Variants in COL6A5 observed in about 807,000 individuals in gnomAD.
COL6A5 encodes the protein collagen alpha-5(VI) chain.
Under a neutral mutation model 65.6 loss-of-function variants are expected in COL6A5, and 48 were observed. That is an observed-to-expected ratio of 0.73 (90% CI 0.58 to 0.93). The LOEUF (loss-of-function observed/expected upper bound fraction) is 0.93. Ranked by LOEUF, COL6A5 falls within the 40% of genes least tolerant of loss-of-function variation. The pLI, the probability that COL6A5 is intolerant of heterozygous loss-of-function variation, is 0.00. For synonymous variants in COL6A5, 291 were observed against 322.8 expected, an observed-to-expected ratio of 0.90 and a Z score of 1.05; for missense variants, 914 against 928.3, an observed-to-expected ratio of 0.98 and a Z score of 0.20.
At chr3:130,376,135 A>C in intron 2 of COL6A5, 102 bp from the exon 3 acceptor site, 4 of 1,203,414 alleles carry the variant, frequency 3.3e-6, no homozygotes, top group Non-Finnish European at 4.4e-6. Flanking sequence ...TGGGATTCTG[A>C]TATACACTTA....
chr3:130,470,808 C>G (rs1406298408), intron 6 of COL6A5, 63 bp from the exon 39 acceptor site: 1 of 1,228,390 alleles, frequency 8.1e-7, no homozygotes, highest in African/African-American at 1.5e-5. Flanking sequence ...CATGATCTGA[C>G]TTTGGGTGAG....
chr3:130,356,471 C>G (rs961825690), intron 1 of COL6A5, among the ~76,000 whole-genome samples: 2 of 151,900 alleles, frequency 1.3e-5, no homozygotes, highest in African/African-American at 4.8e-5. Flanking sequence ...AAAAACTGAG[C>G]GTTATATTAG....
chr3:130,416,811 G>T, exon 24 of COL6A5: 1 of 1,502,102 alleles, frequency 6.7e-7, no homozygotes, highest in Non-Finnish European at 9.0e-7. Flanking sequence ...TGGACTTTTG[G>T]GGAAAAAAGT....
chr3:130,379,760 G>T (rs1274091011), exon 4 of COL6A5: 1 of 1,551,364 alleles, frequency 6.4e-7, no homozygotes, highest in Non-Finnish European at 8.7e-7. Context: ...AGAGCACAAG[G>T]AGTGCCTCAG....
chr3:130,362,324 A>AT (rs1337028323), intron 1 of COL6A5, among the ~76,000 whole-genome samples: 5 of 2,732 alleles, frequency 1.8e-3, no homozygotes, highest in African/African-American at 5.1e-3. Context: ...ATATATATAT[A>AT]TATTTTTTTT....
chr3:130,475,696 G>A (rs1455283812), intron 7 of COL6A5, among the ~76,000 whole-genome samples: 3 of 152,098 alleles, frequency 2.0e-5, no homozygotes, highest in Non-Finnish European at 4.4e-5. Context: ...CTGGGCAGGT[G>A]AAATTAAGGA....
chr3:130,385,249 TAAAATAG>T (rs1222584575), exon 5 of COL6A5: 1 of 1,550,932 alleles, frequency 6.4e-7, no homozygotes, highest in East Asian at 2.4e-5. Context: ...GGGCAGCTAA[TAAAATAG>T]AACTGCAAGA....
intron 1 of COL6A5, among the ~76,000 whole-genome samples, chr3:130,352,646 G>A (rs1934766726): frequency 6.6e-6 from 1 of 152,140 alleles, no homozygotes; most frequent in South Asian, 2.1e-4. Flanking sequence ...AGTTAGTACA[G>A]AGCTACTGTA....
intron 10 of COL6A5, among the ~76,000 whole-genome samples, chr3:130,398,973 CT>C (rs1310257528): frequency 6.6e-6 from 1 of 152,226 alleles, no homozygotes; most frequent in African/African-American, 2.4e-5. Context: ...ACTGTTCCTT[CT>C]TTTCCATATG....
chr3:130,374,467 T>G (rs747642915), intron 2 of COL6A5, among the ~76,000 whole-genome samples: 1 of 152,084 alleles, frequency 6.6e-6, no homozygotes, highest in Non-Finnish European at 1.5e-5. Context: ...TAATCGTATT[T>G]TTTTGAGACA....
intron 1 of COL6A5, among the ~76,000 whole-genome samples, chr3:130,365,389 T>G (rs999444020): frequency 6.6e-6 from 1 of 152,180 alleles, no homozygotes; most frequent in African/African-American, 2.4e-5. Context: ...GCTATTCTCC[T>G]GTCTCAGCCT....
At chr3:130,351,000 A>G (rs1481730927) in intron 1 of COL6A5, among the ~76,000 whole-genome samples, 2 of 152,226 alleles carry the variant, frequency 1.3e-5, no homozygotes, top group African/African-American at 2.4e-5. Flanking sequence ...GTCCTCAGAA[A>G]TAACACCACA....
chr3:130,480,267 T>G (rs1710202099), intron 7 of COL6A5, among the ~76,000 whole-genome samples: 1 of 152,058 alleles, frequency 6.6e-6, no homozygotes, highest in Non-Finnish European at 1.5e-5. Flanking sequence ...TACCAAAATT[T>G]AAATATATAT....
intron 1 of COL6A5, among the ~76,000 whole-genome samples, chr3:130,436,159 A>G (rs1709029917): frequency 6.6e-6 from 1 of 151,950 alleles, no homozygotes; most frequent in Non-Finnish European, 1.5e-5. Context: ...ATTACCCATG[A>G]TCTTTCCTCT....
intron 1 of COL6A5, among the ~76,000 whole-genome samples, chr3:130,356,281 A>T (rs1451162228): frequency 6.6e-6 from 1 of 152,196 alleles, no homozygotes; most frequent in African/African-American, 2.4e-5. Context: ...CATAAAGCAG[A>T]AACTGCAGGA....
intron 1 of COL6A5, among the ~76,000 whole-genome samples, chr3:130,367,736 G>T (rs1011511429): frequency 4.6e-5 from 7 of 152,206 alleles, no homozygotes; most frequent in African/African-American, 1.7e-4. Flanking sequence ...GCATACATAT[G>T]TGTGGATATA....
chr3:130,394,759 T>C (rs1026308329), intron 7 of COL6A5, 131 bp from the exon 8 acceptor site: 7 of 651,856 alleles, frequency 1.1e-5, no homozygotes, highest in Non-Finnish European at 1.5e-5. Flanking sequence ...TGATTCTCTC[T>C]CTTGTTAACT....
At chr3:130,358,870 G>A (rs1935014226) in intron 1 of COL6A5, among the ~76,000 whole-genome samples, 2 of 152,056 alleles carry the variant, frequency 1.3e-5, no homozygotes, top group South Asian at 4.1e-4. Flanking sequence ...ACTGTGCAAT[G>A]TTGTTTATTG....
chr3:130,365,398 C>T (rs1935296916), intron 1 of COL6A5, among the ~76,000 whole-genome samples: 1 of 152,214 alleles, frequency 6.6e-6, no homozygotes, highest in Non-Finnish European at 1.5e-5. Context: ...CTGTCTCAGC[C>T]TCCCGAGTAG....
Sources: gnomAD v4.1 joint callset for allele counts (sites outside exome capture counted in the v4.1 genomes callset) on GRCh38, gnomAD v4.1.1 for gene constraint, MANE v1.5 for transcripts, NCBI Gene and HGNC (gene_info 2026-07-23, HGNC 2026-07-21) for gene names.